The following ETS1 variants were observed in gnomAD, a reference collection of about 807,000 sequenced individuals.
ETS1 encodes the protein protein C-ets-1.
In ETS1, 15 loss-of-function variants were observed where a neutral mutation model predicts 58.6. The ratio of observed to expected loss-of-function variants is 0.26; its 90% CI spans 0.17 to 0.39. ETS1 has a LOEUF of 0.39. Among genes scored for constraint, ETS1 ranks in the 10% least tolerant of loss-of-function variants. The probability of loss-of-function intolerance (pLI) is 1.00; values close to 1 mark genes in which losing one functional copy is unlikely to be tolerated. For missense variants in ETS1, 417 were observed against 610.5 expected (o/e 0.68, Z 3.34); for synonymous variants, 214 against 218.2 (o/e 0.98, Z 0.17).
Position 128,488,633 on chromosome 11 carries a change from G to A in ETS1, c.535+657C>T, listed in dbSNP as rs146299447. Among the ~76,000 whole-genome samples the A allele has an allele frequency of 3.7e-3, 564 of 152,240 alleles. 5 individuals carry two copies. Among genetic ancestry groups the A allele is most frequent in the South Asian group, 0.011 (55 of 4,820 alleles). The stretch of plus-strand genomic sequence containing the variant: ...AAGCACAAAAACACCCAAGTTTGCC[G>A]CCTGCTGCTGTTTCTATACTCAGCC... On this transcript the variant is annotated intron_variant, in intron 5 of 9. Transcript: ENST00000392668.
intron 2 of ETS1, among the ~76,000 whole-genome samples, chr11:128,566,134 C>T (rs1472110314): frequency 2.6e-5 from 4 of 152,194 alleles, no homozygotes; most frequent in Non-Finnish European, 4.4e-5. Context: ...AGCTGTTTCT[C>T]ATGCAGGGCA....
Position 128,573,065 on chromosome 11 carries a change from C to A in ETS1, c.66G>T (p.Val22=). 1 of 1,604,270 alleles carries A rather than the reference C, an allele frequency of 6.2e-7. No individual in the cohort carries two copies. Among genetic ancestry groups the A allele is most frequent in the African/African-American group, 1.3e-5 (1 of 74,860 alleles). The change falls in exon 2 of 10, where the codon GTG becomes GTT. Residue 22 remains valine, a synonymous_variant. Transcript: ENST00000392668. ...PVPYSAPRPA[V]VRQGPSNTYE... is the part of the protein sequence containing the mutation. Reference sequence around the variant, plus strand: ...CAGGGAAGGGGCCACCACTCACCACCACTGCAGGACGAGGCGCTGAGTAAG... The same window carrying A: ...CAGGGAAGGGGCCACCACTCACCACAACTGCAGGACGAGGCGCTGAGTAAG...
intron 7 of ETS1, among the ~76,000 whole-genome samples, chr11:128,484,153 GA>G (rs1342936996): frequency 6.6e-6 from 1 of 152,146 alleles, no homozygotes; most frequent in Non-Finnish European, 1.5e-5. Flanking sequence ...CCCTGACAGT[GA>G]ATATTTTATC....
intron 1 of ETS1, among the ~76,000 whole-genome samples, chr11:128,573,585 G>A (rs1199153277): frequency 2.0e-5 from 3 of 152,122 alleles, no homozygotes; most frequent in Non-Finnish European, 4.4e-5. Flanking sequence ...AGAAAGGAAG[G>A]ATGGAAAAAG....
intron 3 of ETS1, among the ~76,000 whole-genome samples, chr11:128,524,101 G>C (rs1259755607): frequency 1.3e-5 from 2 of 152,148 alleles, no homozygotes; most frequent in Admixed American, 6.5e-5. Flanking sequence ...ATTCCTCAGA[G>C]CAACTCCTTT....
chr11:128,569,318 C>CTGTTTTTTTTTTTTTTTTTTTTTTT (rs1555089976), intron 2 of ETS1, among the ~76,000 whole-genome samples: 2 of 39,462 alleles, frequency 5.1e-5, no homozygotes, highest in Non-Finnish European at 8.9e-5. Flanking sequence ...AGAGTTTCTT[C>CTGTTTTTTTTTTTTTTTTTTTTTTT]TTTTTTTTTT....
intron 3 of ETS1, among the ~76,000 whole-genome samples, chr11:128,493,620 A>G (rs1362558901): frequency 6.6e-6 from 1 of 152,238 alleles, no homozygotes; most frequent in African/African-American, 2.4e-5. Flanking sequence ...TCAGCTCCAG[A>G]GAAGGCACAG....
chr11:128,569,451 C>T (rs907101130), intron 2 of ETS1, among the ~76,000 whole-genome samples: 2 of 150,224 alleles, frequency 1.3e-5, no homozygotes, highest in African/African-American at 2.5e-5. Flanking sequence ...CCAACAGAAC[C>T]GAGAAGACTC....
Position 128,584,983 on chromosome 11 carries a change from AAAGAAAGG to A in ETS1, c.-15+2497_-15+2504del, listed in dbSNP as rs1183840990. 3.7e-4 allele frequency among the ~76,000 whole-genome samples: 23 copies of A among 62,866 alleles called. 1 individual carries two copies. The highest frequency in any genetic ancestry group is 1.7e-3 in the African/African-American group (21 of 12,392). The allele number at this position is 62,866 out of a possible 152,430, so 41.2% of individuals were successfully genotyped here. On this transcript the variant is annotated intron_variant, in intron 1 of 9. Transcript: ENST00000392668. ...GAAAGAAAGAAAGAAAGAAAGAAAG[AAAGAAAGG>A]AAGGAAGGAAGGAAAGAAAGGAAAG...
At chr11:128,570,788 T>C (rs997555050) in intron 2 of ETS1, among the ~76,000 whole-genome samples, 1 of 152,212 alleles carries the variant, frequency 6.6e-6, no homozygotes, top group Non-Finnish European at 1.5e-5. Flanking sequence ...AGGAGCCCTT[T>C]TCTGGCAACT....
Position 128,459,518 on chromosome 11 carries a change from C to A in ETS1, c.*2843G>T, listed in dbSNP as rs1167455414. The A allele has an allele frequency of 6.5e-6, 1 of 152,772 alleles. No individual in the cohort carries two copies. Among genetic ancestry groups the A allele is most frequent in the Non-Finnish European group, 1.5e-5 (1 of 68,034 alleles). The allele number at this position is 152,772 out of a possible 1,614,324, so 9.5% of individuals were successfully genotyped here. On this transcript the variant is annotated 3_prime_UTR_variant, in exon 10 of 10. Transcript: ENST00000392668. ...AGAAGGGAACAAAAGTGACTCTGAACCCTAAAGCCAAAACCAACAAAGGTT... is the reference window on the plus strand; with the variant it reads ...AGAAGGGAACAAAAGTGACTCTGAAACCTAAAGCCAAAACCAACAAAGGTT...
intron 2 of ETS1, among the ~76,000 whole-genome samples, chr11:128,567,571 T>C (rs923948775): frequency 6.6e-6 from 1 of 152,148 alleles, no homozygotes; most frequent in African/African-American, 2.4e-5. Flanking sequence ...CACATTTGAT[T>C]TAGGGAGAGT....
intron 3 of ETS1, among the ~76,000 whole-genome samples, chr11:128,524,365 G>A (rs531067379): frequency 6.6e-6 from 1 of 152,220 alleles, no homozygotes; most frequent in Admixed American, 6.5e-5. Flanking sequence ...GAATAGGGTT[G>A]CGTAAAGCAG....
In ETS1 at chr11:128,467,750, G is replaced by A. The variant is rs115914179; in HGVS notation, c.1124-4123C>T. ...AACAGCACCCTTCACGATGCTGCCC[G>A]GGAGTGTCACACATCAGGAATCCAG... On this transcript the variant is annotated intron_variant, in intron 8 of 9. Transcript: ENST00000392668. Among the ~76,000 whole-genome samples, 790 of 152,264 alleles carry A rather than the reference G, an allele frequency of 5.2e-3. 18 individuals are homozygous for A. The highest frequency in any genetic ancestry group is 0.018 in the African/African-American group (758 of 41,536).
At chr11:128,522,140 T>G in intron 3 of ETS1, 1 of 1,311,120 alleles carries the variant, frequency 7.6e-7, no homozygotes, top group Non-Finnish European at 9.7e-7. Context: ...CTGCCTTTCT[T>G]TCCCCCGCGC....
chr11:128,480,432 G>C lies in ETS1; in HGVS notation c.882C>G (p.Asp294Glu). 1 of 1,612,720 alleles carries C rather than the reference G, an allele frequency of 6.2e-7. No homozygotes were observed. The highest frequency in any genetic ancestry group is 8.5e-7 in the Non-Finnish European group (1 of 1,178,922). The stretch of plus-strand genomic sequence containing the variant: ...CGTAGCTCTCTATGCTTTCAAAAGA[G>C]TCCTGGCCCCCGAGTTTACCTGGAG... ...RTSRGKLGGQ[D>E]SFESIESYDS... Residue 294 changes from aspartate (D) to glutamate (E), a missense_variant, in exon 8 of 10, where the codon GAC (aspartate) becomes GAG (glutamate). By Grantham distance (45) the Asp-to-Glu change is conservative. This residue lies in a region of ETS1 where 139 missense variants were observed against 152.1 expected (regional missense o/e 0.91). Transcript: ENST00000392668.
intron 2 of ETS1, among the ~76,000 whole-genome samples, chr11:128,560,582 T>C (rs769614311): frequency 3.7e-4 from 56 of 152,248 alleles, no homozygotes; most frequent in Non-Finnish European, 6.5e-4. Flanking sequence ...TTTCAGATTG[T>C]CTTTTCTGCT....
chr11:128,552,065 C>T (rs1338792587), intron 3 of ETS1, among the ~76,000 whole-genome samples: 3 of 152,006 alleles, frequency 2.0e-5, no homozygotes, highest in Non-Finnish European at 2.9e-5. Flanking sequence ...GGGTACGGCT[C>T]GAGATTTTGC....
intron 2 of ETS1, among the ~76,000 whole-genome samples, chr11:128,565,787 T>C (rs1864483605): frequency 6.6e-6 from 1 of 152,256 alleles, no homozygotes; most frequent in Admixed American, 6.5e-5. Flanking sequence ...TTCCCACTTC[T>C]CTAGTACCAA....
Sources: gnomAD v4.1 joint callset for allele counts (sites outside exome capture counted in the v4.1 genomes callset) on GRCh38, gnomAD v4.1.1 for gene constraint, gnomAD v4.1.1 regional missense constraint, MANE v1.5 for transcripts, NCBI Gene and HGNC (gene_info 2026-07-23, HGNC 2026-07-21) for gene names.